Variants in AATF observed in about 807,000 individuals in gnomAD.
AATF encodes protein AATF.
Under a neutral mutation model 63.7 loss-of-function variants are expected in AATF, and 48 were observed. That is an observed-to-expected ratio of 0.75 (90% CI 0.60 to 0.96). The LOEUF is 0.96. Ranked by LOEUF, AATF falls within the 40% of genes least tolerant of loss-of-function variation. The pLI is 0.00. For missense variants in AATF, 639 were observed against 685.7 expected (o/e 0.93, Z 0.76); for synonymous variants, 258 against 247.7 (o/e 1.04, Z -0.39).
intron 2 of AATF, among the ~76,000 whole-genome samples, chr17:36,951,240 G>A (rs1024705544): frequency 1.3e-5 from 2 of 152,098 alleles, no homozygotes; most frequent in African/African-American, 4.8e-5. Flanking sequence ...TATCATTTAG[G>A]TTATGATATC....
At chr17:37,035,765 T>C (rs968972580) in intron 11 of AATF, among the ~76,000 whole-genome samples, 1 of 152,202 alleles carries the variant, frequency 6.6e-6, no homozygotes, top group African/African-American at 2.4e-5. Flanking sequence ...GACTTTTAAA[T>C]GTGTCTGTTA....
intron 11 of AATF, among the ~76,000 whole-genome samples, chr17:37,041,873 A>G (rs1441710234): frequency 3.3e-5 from 5 of 152,214 alleles, no homozygotes; most frequent in African/African-American, 1.2e-4. Flanking sequence ...TTAAGTTCAT[A>G]ACAAATGACA....
At chr17:36,992,907 G>A (rs1382503219) in intron 8 of AATF, among the ~76,000 whole-genome samples, 4 of 152,176 alleles carry the variant, frequency 2.6e-5, no homozygotes, top group Admixed American at 2.0e-4. Context: ...GCAGCAAATT[G>A]GAGTTGTTTC....
chr17:36,998,912 T>C (rs2071274274), intron 8 of AATF: 1 of 152,186 alleles, frequency 6.6e-6, no homozygotes, highest in Admixed American at 6.5e-5. Context: ...ATCAGGTATT[T>C]GATACAAAAA....
chr17:37,053,727 G>A (rs1056818550), intron 11 of AATF, among the ~76,000 whole-genome samples: 6 of 152,136 alleles, frequency 3.9e-5, no homozygotes, highest in African/African-American at 1.2e-4. Context: ...TTAGCCGGGC[G>A]TGGTGGTGCG....
At chr17:36,974,718 C>T (rs1337712062) in intron 4 of AATF, among the ~76,000 whole-genome samples, 1 of 152,142 alleles carries the variant, frequency 6.6e-6, no homozygotes, top group Non-Finnish European at 1.5e-5. Context: ...TTTTAATTTA[C>T]ATTTCCCAAT....
chr17:37,056,715 G>A lies in AATF; in HGVS notation c.*51G>A, dbSNP rs553580018. On this transcript the variant is annotated 3_prime_UTR_variant, in exon 12 of 12. Coordinates refer to ENST00000619387, the MANE Select transcript of AATF (RefSeq NM_012138.4). ...GGCGCCTTGGCTGGTGCGGCTGCTG[G>A]TCCAGATGGAGGAAACCAGTGACTT... 3.2e-6 allele frequency: 5 copies of A among 1,587,126 alleles called. No individual in the cohort carries two copies. The highest frequency in any genetic ancestry group is 3.5e-6 in the Non-Finnish European group (4 of 1,156,344).
At chr17:36,987,543 T>C (rs73985329) in intron 5 of AATF, among the ~76,000 whole-genome samples, 5,638 of 152,282 alleles carry the variant, frequency 0.037, 345 homozygotes, top group African/African-American at 0.13. Context: ...CTCGAGCTTA[T>C]CTTTTGTTTC....
chr17:37,001,189 C>T (rs540550612), intron 8 of AATF, among the ~76,000 whole-genome samples: 20 of 151,940 alleles, frequency 1.3e-4, no homozygotes, highest in Non-Finnish European at 2.5e-4. Context: ...CATGGTGGTC[C>T]ATGCCTGTAG....
intron 8 of AATF, among the ~76,000 whole-genome samples, chr17:36,993,462 A>G (rs1329993600): frequency 6.6e-6 from 1 of 152,204 alleles, no homozygotes; most frequent in South Asian, 2.1e-4. Flanking sequence ...GGGATTTGCC[A>G]GAGATTGGAG....
In AATF at chr17:36,991,596, T is replaced by TG. The variant is rs960389089; in HGVS notation, c.1398+739_1398+740insG. ...CTCTTGATAAGTTATACTTTTTTTT[T>TG]TTTTTTTGAGATGGAGTCTCGCTCT... On this transcript the variant is annotated intron_variant, in intron 8 of 11. Coordinates refer to ENST00000619387, the MANE Select transcript of AATF (RefSeq NM_012138.4). Among the ~76,000 whole-genome samples the TG allele has an allele frequency of 4.5e-3, 689 of 151,720 alleles. 4 individuals are homozygous for TG. The highest frequency in any genetic ancestry group is 0.016 in the African/African-American group (649 of 41,288).
intron 11 of AATF, among the ~76,000 whole-genome samples, chr17:37,038,660 G>T (rs997425356): frequency 1.3e-5 from 2 of 152,042 alleles, no homozygotes; most frequent in African/African-American, 4.8e-5. Flanking sequence ...TTAACATTTT[G>T]TAGGTACTCC....
intron 4 of AATF, among the ~76,000 whole-genome samples, chr17:36,978,528 T>G (rs1012762955): frequency 3.3e-5 from 5 of 152,192 alleles, no homozygotes; most frequent in Non-Finnish European, 5.9e-5. Context: ...TGTGGTTATT[T>G]TGTACCATAA....
At chr17:36,997,908 A>T (rs1019646163) in intron 8 of AATF, among the ~76,000 whole-genome samples, 1 of 152,228 alleles carries the variant, frequency 6.6e-6, no homozygotes, top group Non-Finnish European at 1.5e-5. Context: ...AAAGGAATGA[A>T]TTAACAGCAT....
intron 4 of AATF, among the ~76,000 whole-genome samples, chr17:36,976,131 G>A (rs1212745026): frequency 6.6e-6 from 1 of 152,018 alleles, no homozygotes; most frequent in Non-Finnish European, 1.5e-5. Flanking sequence ...TATTGGGGAG[G>A]GAAGTTTTGT....
intron 5 of AATF, 127 bp from the exon 6 acceptor site, chr17:36,988,392 G>A (rs1043889943): frequency 2.0e-5 from 16 of 810,418 alleles, no homozygotes; most frequent in Non-Finnish European, 3.1e-5. Context: ...TTATATCTTT[G>A]GTGTTATTTT....
At chr17:37,046,152 T>C (rs1264768384) in intron 11 of AATF, among the ~76,000 whole-genome samples, 6 of 152,000 alleles carry the variant, frequency 3.9e-5, no homozygotes, top group Non-Finnish European at 8.8e-5. Context: ...TTGTGTGGGA[T>C]GTGAATAAAA....
At chr17:37,027,571 T>C (rs2142296409) in intron 10 of AATF, among the ~76,000 whole-genome samples, 1 of 152,318 alleles carries the variant, frequency 6.6e-6, no homozygotes, top group African/African-American at 2.4e-5. Context: ...ATATGCAATT[T>C]TAAATGTTCT....
At chr17:37,039,986 T>C (rs571714604) in intron 11 of AATF, among the ~76,000 whole-genome samples, 1 of 152,256 alleles carries the variant, frequency 6.6e-6, no homozygotes. Flanking sequence ...TCTGCACTTA[T>C]ATTCTCATCG....
Sources: gnomAD v4.1 joint callset for allele counts (sites outside exome capture counted in the v4.1 genomes callset) on GRCh38, gnomAD v4.1.1 for gene constraint, MANE v1.5 for transcripts, NCBI Gene and HGNC (gene_info 2026-07-23, HGNC 2026-07-21) for gene names.